The following LINGO1 variants were observed in gnomAD, a reference collection of about 807,000 sequenced individuals.
LINGO1 encodes leucine rich repeat and Ig domain containing 1.
In LINGO1, 11 loss-of-function variants were observed where a neutral mutation model predicts 37.3. That is an observed-to-expected ratio of 0.29 (90% CI 0.19 to 0.49). LINGO1 has a LOEUF of 0.49. Ranked by LOEUF, LINGO1 falls within the 20% of genes least tolerant of loss-of-function variation. The pLI is 0.99. For synonymous variants in LINGO1, 387 were observed against 403.0 expected (o/e 0.96, Z 0.48); for missense variants, 585 against 878.2 (o/e 0.67, Z 4.22).
chr15:77,650,325 A>T lies in LINGO1; in HGVS notation c.-13+26764T>A, dbSNP rs563451332. Among the ~76,000 whole-genome samples the T allele has an allele frequency of 5.7e-3, 870 of 152,310 alleles. 7 individuals are homozygous for T. Among genetic ancestry groups the T allele is most frequent in the African/African-American group, 0.019 (799 of 41,564 alleles). On this transcript the variant is annotated intron_variant, in intron 3 of 3. Coordinates refer to the LINGO1 transcript ENST00000559893. ...GAAGGAATAATCTTAAAAGCAAAAA[A>T]ATATACATATTATGTGTCGAAAGGA... is the stretch of plus-strand genomic sequence containing the variant.
At position 77,640,827 on chromosome 15, in the gene LINGO1, C is replaced by CTCATTCATTCAT. The variant is rs55914213; in HGVS notation, c.-12-24939_-12-24928dup. On this transcript the variant is annotated intron_variant, in intron 3 of 3. Coordinates refer to the LINGO1 transcript ENST00000559893. ...GTGGAGGCATCCATCCATTCATCTCCTCATTCATTCATTCATTCATTCATT... is the reference window on the plus strand; with the variant it reads ...GTGGAGGCATCCATCCATTCATCTCCTCATTCATTCATTCATTCATTCATTCATTCATTCATT... 9.2e-3 allele frequency among the ~76,000 whole-genome samples: 1,387 copies of CTCATTCATTCAT among 150,592 alleles called. 10 individuals are homozygous for CTCATTCATTCAT. Among genetic ancestry groups the CTCATTCATTCAT allele is most frequent in the African/African-American group, 0.02 (832 of 40,848 alleles).
At chr15:77,762,533 C>A (rs1475338968) in intron 1 of LINGO1, among the ~76,000 whole-genome samples, 2 of 152,138 alleles carry the variant, frequency 1.3e-5, no homozygotes. Flanking sequence ...TGGCCCTGGG[C>A]AGAGCCAAGG....
intron 2 of LINGO1, among the ~76,000 whole-genome samples, chr15:77,677,947 C>A (rs2075355496): frequency 6.6e-6 from 1 of 152,188 alleles, no homozygotes; most frequent in Non-Finnish European, 1.5e-5. Flanking sequence ...CAGGGCACTG[C>A]CCAACCCAGC....
chr15:77,631,918 C>T lies in LINGO1; in HGVS notation c.6+392G>A, dbSNP rs148347611. Among the ~76,000 whole-genome samples, 139 of 152,168 alleles carry T rather than the reference C, an allele frequency of 9.1e-4. 3 individuals carry two copies. In the East Asian group the frequency reaches 0.026, roughly 28 times the overall value. Reference sequence around the variant, plus strand: ...GAGTGTCTGGTGCTGGTGGGGGCTGCCTGGGGGTACCTGGGGTCCACGAAG... The same window carrying T: ...GAGTGTCTGGTGCTGGTGGGGGCTGTCTGGGGGTACCTGGGGTCCACGAAG... On this transcript the variant is annotated intron_variant, in intron 1 of 1. Coordinates refer to ENST00000355300, the MANE Select transcript of LINGO1 (RefSeq NM_032808.7).
chr15:77,694,810 C>T (rs12914780), intron 1 of LINGO1, among the ~76,000 whole-genome samples: 12,667 of 152,244 alleles, frequency 0.083, 597 homozygotes, highest in Middle Eastern at 0.13. Flanking sequence ...CTGCTGTGGG[C>T]CAGGGGCAAC....
intron 1 of LINGO1, among the ~76,000 whole-genome samples, chr15:77,774,462 C>T (rs1413747625): frequency 6.6e-6 from 1 of 152,170 alleles, no homozygotes; most frequent in African/African-American, 2.4e-5. Flanking sequence ...GGGCACCCTA[C>T]AGGAGCCCTC....
chr15:77,742,634 C>T (rs1223644178), intron 1 of LINGO1, among the ~76,000 whole-genome samples: 1 of 152,182 alleles, frequency 6.6e-6, no homozygotes, highest in Non-Finnish European at 1.5e-5. Flanking sequence ...AGCATCCCTC[C>T]CAGCTAACAA....
intron 1 of LINGO1, among the ~76,000 whole-genome samples, chr15:77,749,066 C>T (rs561584504): frequency 1.3e-5 from 2 of 151,846 alleles, no homozygotes; most frequent in East Asian, 3.9e-4. Context: ...CACTACCACG[C>T]CCGGCTAATT....
intron 1 of LINGO1, among the ~76,000 whole-genome samples, chr15:77,745,809 G>A (rs377705991): frequency 2.0e-5 from 3 of 152,144 alleles, no homozygotes; most frequent in African/African-American, 7.2e-5. Flanking sequence ...GCCATATTCC[G>A]CATGCCTCTA....
At chr15:77,616,049 G>C (rs1321453483) in intron 1 of LINGO1, 149 bp from the exon 2 acceptor site, 1 of 518,074 alleles carries the variant, frequency 1.9e-6, no homozygotes, top group Non-Finnish European at 3.3e-6. Flanking sequence ...CAGGCCAGAG[G>C]GCCTCTGGCC....
At chr15:77,810,178 T>C (rs1158328690) in intron 1 of LINGO1, among the ~76,000 whole-genome samples, 2 of 151,844 alleles carry the variant, frequency 1.3e-5, no homozygotes, top group African/African-American at 4.8e-5. Flanking sequence ...CTCCCTAACC[T>C]GCACAGCTCT....
upstream of LINGO1, among the ~76,000 whole-genome samples, chr15:77,787,676 C>G (rs1048130353): frequency 6.6e-6 from 1 of 152,210 alleles, no homozygotes; most frequent in Admixed American, 6.5e-5. Context: ...CCATCCCACA[C>G]GAGGCCGGTG....
chr15:77,680,977 G>A (rs1286288240), intron 2 of LINGO1, among the ~76,000 whole-genome samples: 1 of 152,114 alleles, frequency 6.6e-6, no homozygotes, highest in African/African-American at 2.4e-5. Flanking sequence ...ACTAGCAGGC[G>A]ACCCAAGGGA....
At chr15:77,784,337 G>A (rs936751731) in intron 1 of LINGO1, among the ~76,000 whole-genome samples, 1 of 152,252 alleles carries the variant, frequency 6.6e-6, no homozygotes, top group South Asian at 2.1e-4. Flanking sequence ...TCCCACTCAG[G>A]CCAGCTTGTG....
intron 1 of LINGO1, among the ~76,000 whole-genome samples, chr15:77,799,627 T>G (rs2076901354): frequency 6.6e-6 from 1 of 152,168 alleles, no homozygotes; most frequent in African/African-American, 2.4e-5. Context: ...GTCCTTGCCC[T>G]TTCTCTCTCT....
At chr15:77,804,317 C>G (rs889093257) in intron 1 of LINGO1, among the ~76,000 whole-genome samples, 6 of 152,112 alleles carry the variant, frequency 3.9e-5, no homozygotes. Context: ...CGATATGCAC[C>G]GAAGGCAAGA....
At chr15:77,713,546 T>C (rs2075947059) in intron 2 of LINGO1, among the ~76,000 whole-genome samples, 1 of 151,856 alleles carries the variant, frequency 6.6e-6, no homozygotes, top group African/African-American at 2.4e-5. Context: ...ACAGGGAGTC[T>C]TGTAGTGTGG....
chr15:77,707,113 G>GGCAGGCT (rs1300629019), intron 2 of LINGO1, among the ~76,000 whole-genome samples: 5 of 152,200 alleles, frequency 3.3e-5, no homozygotes, highest in Admixed American at 2.0e-4. Flanking sequence ...CTCAGCAGGT[G>GGCAGGCT]GCAGGCTGCA....
chr15:77,725,744 C>T (rs1481824450), intron 2 of LINGO1, among the ~76,000 whole-genome samples: 1 of 152,166 alleles, frequency 6.6e-6, no homozygotes, highest in Non-Finnish European at 1.5e-5. Context: ...ATCTGCCAGA[C>T]CTGGGAAAGC....
Sources: allele counts gnomAD v4.1 joint callset (sites outside exome capture counted in the v4.1 genomes callset), GRCh38; gene constraint gnomAD v4.1.1; transcripts MANE v1.5; gene names NCBI Gene and HGNC (gene_info 2026-07-23, HGNC 2026-07-21).